The following ZNF592 variants were observed in gnomAD, a reference collection of about 807,000 sequenced individuals.
ZNF592 encodes spinocerebellar ataxia, autosomal recessive 5.
Under a neutral mutation model 80.3 loss-of-function variants are expected in ZNF592, and 11 were observed. The observed-to-expected ratio is 0.14, with a 90% CI of 0.09 to 0.23. The LOEUF (loss-of-function observed/expected upper bound fraction) is 0.23. Ranked by LOEUF, ZNF592 falls within the 10% of genes least tolerant of loss-of-function variation. The probability of loss-of-function intolerance (pLI) is 1.00; values close to 1 mark genes in which losing one functional copy is unlikely to be tolerated. For synonymous variants in ZNF592, 646 were observed against 640.3 expected (o/e 1.01, Z -0.13); for missense variants, 1,420 against 1,633.9 (o/e 0.87, Z 2.26).
chr15:84,784,224 G>A lies in ZNF592; in HGVS notation c.1549G>A (p.Ala517Thr), dbSNP rs991707852. Reference protein sequence around the residue: ...NLNLVPHSVAASVTAKSSVQR... With the variant: ...NLNLVPHSVATSVTAKSSVQR... ...GAACCTCGTCCCCCACAGTGTTGCT[G>A]CATCAGTGACAGCCAAGTCTTCAGT... The change falls in exon 4 of 11, where the codon GCA becomes ACA. Residue 517 changes from alanine to threonine, a missense_variant. Transcript: ENST00000560079. The surrounding 1 kb of genome is among the most constrained non-coding windows in gnomAD (Gnocchi z 5.8). 1.9e-6 allele frequency: 3 copies of A among 1,614,218 alleles called. No homozygotes were observed. The highest frequency in any genetic ancestry group is 3.3e-5 in the Admixed American group (2 of 60,030).
chr15:84,791,277 CAA>C (rs1230498687), intron 5 of ZNF592, among the ~76,000 whole-genome samples: 8 of 152,140 alleles, frequency 5.3e-5, no homozygotes, highest in Non-Finnish European at 1.5e-5. Context: ...CAGGTTTTAA[CAA>C]ATGGGGCTGC....
At position 84,799,145 on chromosome 15, in the gene ZNF592, C is replaced by G; in HGVS notation, c.3072C>G (p.Thr1024=). 1 of 1,614,120 alleles carries G rather than the reference C, an allele frequency of 6.2e-7. No individual in the cohort carries two copies. Among genetic ancestry groups the G allele is most frequent in the Non-Finnish European group, 8.5e-7 (1 of 1,180,020 alleles). The part of the protein sequence containing the change: ...PCRQCEQSFH[T]PNSLRKHIRN... ...GGCAGTGTGAACAGTCCTTCCACAC[C>G]CCCAACAGCCTGCGCAAACACATCC... Residue 1024 remains threonine (T), a synonymous_variant, in exon 9 of 11, where the codon ACC becomes ACG. Coordinates refer to ENST00000560079, the MANE Select transcript of ZNF592 (RefSeq NM_014630.3). This position sits in a 1 kb window ranked among gnomAD's most constrained non-coding sequence, Gnocchi z 4.2.
At position 84,798,546 on chromosome 15, in the gene ZNF592, C is replaced by G; in HGVS notation, c.2737-42C>G. 1 of 1,613,990 alleles carries G rather than the reference C, an allele frequency of 6.2e-7. No homozygotes were observed. The highest frequency in any genetic ancestry group is 8.5e-7 in the Non-Finnish European group (1 of 1,179,986). ...AGGCTGGGGGTCTGACTCTGTGCAT[C>G]TTTCCCCTTGCCCAGTCAGTAATCG... On this transcript the variant is annotated intron_variant, in intron 7 of 10. Coordinates refer to ENST00000560079, the MANE Select transcript of ZNF592 (RefSeq NM_014630.3). The surrounding 1 kb of genome is among the most constrained non-coding windows in gnomAD (Gnocchi z 4.5).
intron 2 of ZNF592, among the ~76,000 whole-genome samples, chr15:84,767,407 AT>A (rs1439160099): frequency 6.6e-6 from 1 of 152,062 alleles, no homozygotes; most frequent in Non-Finnish European, 1.5e-5. Flanking sequence ...TCTTGCTTAA[AT>A]TTAGGGGTCC....
At chr15:84,764,158 A>G (rs991229660) in intron 1 of ZNF592, among the ~76,000 whole-genome samples, 3 of 152,032 alleles carry the variant, frequency 2.0e-5, no homozygotes, top group Admixed American at 6.6e-5. Flanking sequence ...CGAGCACTGG[A>G]GGAGGAGTTG....
intron 5 of ZNF592, among the ~76,000 whole-genome samples, chr15:84,796,666 A>G (rs1235895534): frequency 6.6e-6 from 1 of 152,116 alleles, no homozygotes; most frequent in Admixed American, 6.5e-5. Context: ...TCAATTTCAG[A>G]AAAATGGTTT....
chr15:84,755,645 A>T (rs1899148417), intron 1 of ZNF592, among the ~76,000 whole-genome samples: 2 of 152,160 alleles, frequency 1.3e-5, no homozygotes. Flanking sequence ...TCTTCCTATC[A>T]TTTGAATTTT....
At position 84,803,236 on chromosome 15, in the gene ZNF592, ACTC is replaced by A. The variant is rs1362937495; in HGVS notation, c.*847_*849del. 6 of 152,374 alleles carry A rather than the reference ACTC, an allele frequency of 3.9e-5. No individual in the cohort carries two copies. Among genetic ancestry groups the A allele is most frequent in the South Asian group, 4.2e-4 (2 of 4,792 alleles). The allele number at this position is 152,374 out of a possible 1,614,324, so 9.4% of individuals were successfully genotyped here. A position where few individuals can be genotyped will look rare whatever the true frequency, so the allele number is the denominator to read the frequency against. ...TGCTGCCCCAGGCAGGCCAGCCCCT[ACTC>A]CTCTTGGCTACACTCATGTTGCTCA... On this transcript the variant is annotated 3_prime_UTR_variant, in exon 11 of 11. Coordinates refer to ENST00000560079, the MANE Select transcript of ZNF592 (RefSeq NM_014630.3).
chr15:84,775,410 T>C (rs959786897), intron 2 of ZNF592, among the ~76,000 whole-genome samples: 1 of 92,658 alleles, frequency 1.1e-5, no homozygotes, highest in East Asian at 2.5e-4. Context: ...ATACTGGGTG[T>C]TGTTGTTGTT....
At position 84,798,538 on chromosome 15, in the gene ZNF592, C is replaced by A. The variant is rs1024197205; in HGVS notation, c.2737-50C>A. On this transcript the variant is annotated intron_variant, in intron 7 of 10. Coordinates refer to ENST00000560079, the MANE Select transcript of ZNF592 (RefSeq NM_014630.3). The surrounding 1 kb of genome is among the most constrained non-coding windows in gnomAD (Gnocchi z 4.5). The stretch of plus-strand genomic sequence containing the variant: ...CATGCCTCAGGCTGGGGGTCTGACT[C>A]TGTGCATCTTTCCCCTTGCCCAGTC... 2 of 1,613,956 alleles carry A rather than the reference C, an allele frequency of 1.2e-6. No homozygotes were observed. Among genetic ancestry groups the A allele is most frequent in the Non-Finnish European group, 1.7e-6 (2 of 1,179,958 alleles).
chr15:84,753,719 T>C (rs2141957245), intron 1 of ZNF592, among the ~76,000 whole-genome samples: 1 of 152,336 alleles, frequency 6.6e-6, no homozygotes, highest in East Asian at 1.9e-4. Flanking sequence ...ATGATCCGCC[T>C]GCCTTGGCCT....
rs190800378 is a variant in ZNF592 at position 84,782,512 on chromosome 15, A to G, written c.-19-145A>G. On this transcript the variant is annotated intron_variant, in intron 3 of 10. Transcript: ENST00000560079. The stretch of plus-strand genomic sequence containing the variant: ...CATTTTAGAAACCTGTTGGGGTAAA[A>G]CTGAGGTGTGTGGCTTCCTGTCATA... 3.2e-5 allele frequency: 26 copies of G among 804,866 alleles called. No individual in the cohort carries two copies. The East Asian group carries it at 6.2e-4, about 19-fold the overall frequency. 49.9% of individuals were successfully genotyped at this position (804,866 alleles called of 1,614,324 possible). A position where few individuals can be genotyped will look rare whatever the true frequency, so the allele number is the denominator to read the frequency against.
intron 2 of ZNF592, among the ~76,000 whole-genome samples, chr15:84,774,323 A>G (rs1238153105): frequency 6.6e-6 from 1 of 152,212 alleles, no homozygotes; most frequent in African/African-American, 2.4e-5. Flanking sequence ...CCTTCATGAA[A>G]CTTACATCCT....
At position 84,778,295 on chromosome 15, in the gene ZNF592, G is replaced by T; in HGVS notation, c.-37G>T. The T allele has an allele frequency of 3.6e-6, 1 of 278,604 alleles. No homozygotes were observed. The highest frequency in any genetic ancestry group is 7.2e-6 in the Non-Finnish European group (1 of 139,098). The allele number at this position is 278,604 out of a possible 1,614,324, so 17.3% of individuals were successfully genotyped here. A position where few individuals can be genotyped will look rare whatever the true frequency, so the allele number is the denominator to read the frequency against. On this transcript the variant is annotated 5_prime_UTR_variant, in exon 3 of 11. Coordinates refer to ENST00000560079, the MANE Select transcript of ZNF592 (RefSeq NM_014630.3). The stretch of plus-strand genomic sequence containing the variant: ...AAGCCGAAAGAGGAGGTCCCTACCT[G>T]CCACGGATACCAGTCAGGTACACAT...
intron 5 of ZNF592, 139 bp downstream of exon 5, chr15:84,791,022 G>A: frequency 2.2e-6 from 2 of 928,180 alleles, no homozygotes; most frequent in African/African-American, 1.6e-5. Flanking sequence ...GATGGTATGT[G>A]GACAGACATT....
chr15:84,778,236 C>G lies in ZNF592; in HGVS notation c.-96C>G, dbSNP rs1016021207. On this transcript the variant is annotated 5_prime_UTR_variant, in exon 3 of 11. Transcript: ENST00000560079. ...AGGGAGAAGACAGAAGGAAGACGCT[C>G]CCCCGTACGGAGACAGAGGGAGGGG... The G allele has an allele frequency of 4.3e-6, 1 of 230,344 alleles. No individual in the cohort carries two copies. The highest frequency in any genetic ancestry group is 8.5e-6 in the Non-Finnish European group (1 of 117,016). The allele number at this position is 230,344 out of a possible 1,614,324, so 14.3% of individuals were successfully genotyped here. A position where few individuals can be genotyped will look rare whatever the true frequency, so the allele number is the denominator to read the frequency against.
intron 3 of ZNF592, among the ~76,000 whole-genome samples, chr15:84,780,019 G>A (rs1162685335): frequency 7.0e-6 from 1 of 143,816 alleles, no homozygotes; most frequent in African/African-American, 2.6e-5. Flanking sequence ...TGGAGTCTTG[G>A]TCTATTGCCC....
At chr15:84,762,318 G>A (rs1228827992) in intron 1 of ZNF592, among the ~76,000 whole-genome samples, 2 of 152,208 alleles carry the variant, frequency 1.3e-5, no homozygotes, top group Non-Finnish European at 1.5e-5. Flanking sequence ...GTTTGGTGGG[G>A]AGGAAGGTCT....
At chr15:84,797,683 T>G (rs1425989859) in intron 5 of ZNF592, among the ~76,000 whole-genome samples, 186 bp from the exon 6 acceptor site, 2 of 152,208 alleles carry the variant, frequency 1.3e-5, no homozygotes, top group African/African-American at 4.8e-5. Context: ...GGCCACATTG[T>G]GCTAGACTGT....
Sources: allele counts gnomAD v4.1 joint callset (sites outside exome capture counted in the v4.1 genomes callset), GRCh38; gene constraint gnomAD v4.1.1; non-coding constraint Gnocchi (gnomAD v3.1); transcripts MANE v1.5; gene names NCBI Gene and HGNC (gene_info 2026-07-23, HGNC 2026-07-21).